Variants in EIF2B3 observed in about 807,000 individuals in gnomAD.
EIF2B3 encodes eukaryotic translation initiation factor 2B subunit gamma.
In EIF2B3, 20 loss-of-function variants were observed where a neutral mutation model predicts 54.1. The ratio of observed to expected loss-of-function variants is 0.37; its 90% CI spans 0.26 to 0.54. The LOEUF (loss-of-function observed/expected upper bound fraction) is 0.54. Among genes scored for constraint, EIF2B3 ranks in the 20% least tolerant of loss-of-function variants. The pLI is 0.86. For missense variants in EIF2B3, 448 were observed against 547.8 expected, an observed-to-expected ratio of 0.82 and a Z score of 1.82; for synonymous variants, 153 against 188.1, an observed-to-expected ratio of 0.81 and a Z score of 1.52.
intron 11 of EIF2B3, 21 bp from the exon 12 acceptor site, chr1:44,851,024 A>C (rs960130043): frequency 3.1e-6 from 5 of 1,612,258 alleles, no homozygotes; most frequent in Middle Eastern, 3.3e-4. Flanking sequence ...AAAGGAAAAA[A>C]GTTTTCTGAG....
rs550152749 is a variant in EIF2B3 at position 44,980,260 on chromosome 1, C to T, written c.148+761G>A. ...TGGGCAGATCACGAGGTCCTGAGAT[C>T]GAGACCATTCTAGCTAACATGGTGA... On this transcript the variant is annotated intron_variant, in intron 2 of 11. Transcript: ENST00000360403. 4.6e-5 allele frequency among the ~76,000 whole-genome samples: 7 copies of T among 152,186 alleles called. No individual in the cohort carries two copies. In the East Asian group the frequency reaches 7.7e-4, roughly 17 times the overall value.
At chr1:44,903,999 C>G (rs1182460455) in intron 5 of EIF2B3, among the ~76,000 whole-genome samples, 2 of 152,160 alleles carry the variant, frequency 1.3e-5, no homozygotes, top group African/African-American at 4.8e-5. Flanking sequence ...ATCGCTTGAA[C>G]CCGGGAGGTG....
intron 3 of EIF2B3, chr1:44,958,751 A>C (rs1644254285): frequency 6.5e-7 from 1 of 1,548,962 alleles, no homozygotes; most frequent in Non-Finnish European, 8.9e-7. Flanking sequence ...TCCGCACAGA[A>C]CTCAATCCAT....
chr1:44,868,225 C>T (rs1032476069), intron 10 of EIF2B3, among the ~76,000 whole-genome samples: 4 of 151,778 alleles, frequency 2.6e-5, no homozygotes, highest in Admixed American at 6.6e-5. Flanking sequence ...GGTGAAACCC[C>T]GTCTCTACTA....
chr1:44,975,362 G>GT (rs1644442488), intron 3 of EIF2B3, among the ~76,000 whole-genome samples: 1 of 152,092 alleles, frequency 6.6e-6, no homozygotes, highest in Admixed American at 6.6e-5. Context: ...GCATTGTTAG[G>GT]TGATTTCGTT....
At chr1:44,882,187 T>C (rs1655422017) in intron 6 of EIF2B3, among the ~76,000 whole-genome samples, 1 of 152,186 alleles carries the variant, frequency 6.6e-6, no homozygotes, top group Middle Eastern at 3.2e-3. Flanking sequence ...ATTTCTGACT[T>C]CAAGGAATTC....
intron 3 of EIF2B3, among the ~76,000 whole-genome samples, chr1:44,953,872 A>C (rs1644195212): frequency 6.6e-6 from 1 of 152,190 alleles, no homozygotes; most frequent in African/African-American, 2.4e-5. Context: ...AGCATAATTC[A>C]CTCATTGAAA....
At chr1:44,888,426 C>T (rs138621840) in intron 6 of EIF2B3, among the ~76,000 whole-genome samples, 15 of 151,916 alleles carry the variant, frequency 9.9e-5, no homozygotes, top group South Asian at 8.3e-4. Context: ...CGGGACATGC[C>T]GGCAAAGGGG....
chr1:44,975,952 G>A (rs1261367087), intron 3 of EIF2B3, among the ~76,000 whole-genome samples: 2 of 152,074 alleles, frequency 1.3e-5, no homozygotes, highest in Admixed American at 6.6e-5. Context: ...GGTGGAGATT[G>A]CACCACTGCA....
intron 1 of EIF2B3, among the ~76,000 whole-genome samples, chr1:44,983,170 T>C (rs906182856): frequency 2.0e-5 from 3 of 152,218 alleles, no homozygotes; most frequent in African/African-American, 4.8e-5. Context: ...TGCCTGGGCC[T>C]CCCAAAGTGC....
chr1:44,945,903 T>G (rs1243543672), intron 3 of EIF2B3, among the ~76,000 whole-genome samples: 2 of 152,204 alleles, frequency 1.3e-5, no homozygotes, highest in Non-Finnish European at 2.9e-5. Flanking sequence ...TAAATTGAAC[T>G]ATTAAGTATA....
chr1:44,966,519 C>A (rs1644343026), intron 3 of EIF2B3, among the ~76,000 whole-genome samples: 1 of 150,176 alleles, frequency 6.7e-6, no homozygotes, highest in African/African-American at 2.5e-5. Context: ...TTAAGCAGGA[C>A]AAAGACAATC....
intron 4 of EIF2B3, among the ~76,000 whole-genome samples, chr1:44,935,193 G>A (rs561935595): frequency 3.9e-4 from 59 of 152,244 alleles, no homozygotes; most frequent in Middle Eastern, 6.8e-3. Context: ...TGGGACTATA[G>A]AGACAATAGT....
Position 44,981,095 on chromosome 1 carries a change from T to C in EIF2B3, c.74A>G (p.Lys25Arg), listed in dbSNP as rs1205822338. 1 of 1,613,302 alleles carries C rather than the reference T, an allele frequency of 6.2e-7. No homozygotes were observed. Among genetic ancestry groups the C allele is most frequent in the Non-Finnish European group, 8.5e-7 (1 of 1,179,954 alleles). ...RMTDLTSSIP[K>R]PLLPVGNKPL... ...TTTGTTCCCAACTGGAAGCAGAGGT[T>C]TGGGAATGCTGGAAGTTAGGTCTGT... The change falls in exon 2 of 12, where the codon AAA (lysine) becomes AGA (arginine). Residue 25 changes from lysine (K) to arginine (R), a missense_variant. By Grantham distance (26) the Lys-to-Arg change is conservative (BLOSUM62 2). Coordinates refer to ENST00000360403, the MANE Select transcript of EIF2B3 (RefSeq NM_020365.5).
At chr1:44,873,173 CTGGATA>C (rs1331269426) in intron 10 of EIF2B3, among the ~76,000 whole-genome samples, 1 of 152,134 alleles carries the variant, frequency 6.6e-6, no homozygotes, top group African/African-American at 2.4e-5. Context: ...CCACAAAACT[CTGGATA>C]TTTTTGGCCA....
At chr1:44,867,751 A>G (rs1269415926) in intron 10 of EIF2B3, among the ~76,000 whole-genome samples, 1 of 151,862 alleles carries the variant, frequency 6.6e-6, no homozygotes, top group African/African-American at 2.4e-5. Context: ...GGATTGGGTA[A>G]TTGCTAATGG....
At chr1:44,967,739 CAAAAAAAA>C (rs35067923) in intron 3 of EIF2B3, among the ~76,000 whole-genome samples, 3 of 49,548 alleles carry the variant, frequency 6.1e-5, no homozygotes, top group African/African-American at 2.0e-4. Flanking sequence ...ATGCTGTCTT[CAAAAAAAA>C]AAAAAAAAAA....
At chr1:44,920,826 T>C (rs1271097991) in intron 5 of EIF2B3, among the ~76,000 whole-genome samples, 3 of 152,252 alleles carry the variant, frequency 2.0e-5, no homozygotes, top group Non-Finnish European at 4.4e-5. Flanking sequence ...ACCTTGGCTA[T>C]TGTGAACAGT....
At chr1:44,972,268 T>TACACAC (rs1644408044) in intron 3 of EIF2B3, among the ~76,000 whole-genome samples, 5 of 91,034 alleles carry the variant, frequency 5.5e-5, no homozygotes, top group African/African-American at 2.3e-4. Context: ...CACACACACA[T>TACACAC]ATACACACAC....
Sources: allele counts gnomAD v4.1 joint callset (sites outside exome capture counted in the v4.1 genomes callset), GRCh38; gene constraint gnomAD v4.1.1; transcripts MANE v1.5; gene names NCBI Gene and HGNC (gene_info 2026-07-23, HGNC 2026-07-21).